The following ADGRB3 variants were observed in gnomAD, a reference collection of about 807,000 sequenced individuals.
ADGRB3 encodes brain-specific angiogenesis inhibitor 3.
Under a neutral mutation model 193.4 loss-of-function variants are expected in ADGRB3, and 37 were observed. The ratio of observed to expected loss-of-function variants is 0.19; its 90% confidence interval spans 0.15 to 0.25. The LOEUF (loss-of-function observed/expected upper bound fraction) is 0.25. Ranked by LOEUF, ADGRB3 falls within the 10% of genes least tolerant of loss-of-function variation. ADGRB3 has a pLI of 1.00. For synonymous variants in ADGRB3, 690 were observed against 644.2 expected (o/e 1.07, Z -1.08); for missense variants, 1,637 against 1,852.9 (o/e 0.88, Z 2.14).
chr6:69,339,518 T>C lies in ADGRB3; in HGVS notation c.3459+14T>C. On this transcript the variant is annotated intron_variant, in intron 26 of 31. Coordinates refer to ENST00000370598, the MANE Select transcript of ADGRB3 (RefSeq NM_001704.3). The stretch of plus-strand genomic sequence containing the variant: ...CTTCGGAGAGAGGTGAGAAGCATTC[T>C]TGTGATAGAGAACAGTGATGGTTGG... 1 of 1,609,722 alleles carries C rather than the reference T, an allele frequency of 6.2e-7. No individual in the cohort carries two copies. Among genetic ancestry groups the C allele is most frequent in the Non-Finnish European group, 8.5e-7 (1 of 1,176,618 alleles).
At chr6:68,888,509 C>G (rs901149066) in intron 3 of ADGRB3, among the ~76,000 whole-genome samples, 2 of 150,256 alleles carry the variant, frequency 1.3e-5, no homozygotes, top group Non-Finnish European at 3.0e-5. Context: ...TTATTTATCA[C>G]CAGCATTTTC....
At chr6:69,360,737 A>T in intron 28 of ADGRB3, 132 bp from the exon 29 acceptor site, 1 of 929,386 alleles carries the variant, frequency 1.1e-6, no homozygotes, top group South Asian at 1.9e-5. Flanking sequence ...ATTGATATGT[A>T]TTTTTTTTAA....
intron 17 of ADGRB3, among the ~76,000 whole-genome samples, chr6:69,140,700 C>G (rs1249866228): frequency 6.6e-6 from 1 of 151,920 alleles, no homozygotes. Context: ...GTGATGGATA[C>G]CCCATCTACC....
At chr6:68,845,164 T>G (rs1458731972) in intron 3 of ADGRB3, among the ~76,000 whole-genome samples, 1 of 152,188 alleles carries the variant, frequency 6.6e-6, no homozygotes, top group Non-Finnish European at 1.5e-5. Flanking sequence ...GATATCACAC[T>G]TAGCATGATG....
At chr6:68,675,447 C>A (rs1769066570) in intron 3 of ADGRB3, among the ~76,000 whole-genome samples, 1 of 151,114 alleles carries the variant, frequency 6.6e-6, no homozygotes, top group African/African-American at 2.4e-5. Flanking sequence ...ACTTAAAATT[C>A]AAAAAAATGG....
rs141159898 is a variant in ADGRB3 at position 68,718,318 on chromosome 6, A to G, written c.757+78886A>G. 4.0e-5 allele frequency among the ~76,000 whole-genome samples: 6 copies of G among 151,842 alleles called. No homozygotes were observed. In the East Asian group the frequency reaches 1.2e-3, roughly 30 times the overall value. ...AATTTTTGCAGATTGGAGCCCAGGA[A>G]TCTAAATTTTAACAAATACCAGAGA... On this transcript the variant is annotated intron_variant, in intron 3 of 31. Coordinates refer to ENST00000370598, the MANE Select transcript of ADGRB3 (RefSeq NM_001704.3).
At chr6:69,377,003 C>T (rs1245634120) in intron 30 of ADGRB3, among the ~76,000 whole-genome samples, 1 of 151,990 alleles carries the variant, frequency 6.6e-6, no homozygotes, top group Non-Finnish European at 1.5e-5. Flanking sequence ...CAAACAGAAA[C>T]ATATTTGAAA....
chr6:69,006,176 A>G (rs1348389241), intron 11 of ADGRB3, among the ~76,000 whole-genome samples: 5 of 152,146 alleles, frequency 3.3e-5, no homozygotes, highest in Admixed American at 3.3e-4. Context: ...TCATTTCAGT[A>G]TACTTTCTTG....
intron 11 of ADGRB3, 29 bp from the exon 12 acceptor site, chr6:69,014,009 T>C (rs1048477160): frequency 1.5e-5 from 21 of 1,434,988 alleles, no homozygotes; most frequent in Non-Finnish European, 1.8e-5. Flanking sequence ...TCATGTAATA[T>C]TAAATCTTTT....
chr6:69,193,004 G>A (rs915181786), intron 17 of ADGRB3, among the ~76,000 whole-genome samples: 4 of 152,096 alleles, frequency 2.6e-5, no homozygotes, highest in African/African-American at 4.8e-5. Flanking sequence ...GTTGGTGGTC[G>A]TTCTTTTTCT....
intron 17 of ADGRB3, among the ~76,000 whole-genome samples, chr6:69,092,930 A>T (rs1772757299): frequency 6.6e-6 from 1 of 151,562 alleles, no homozygotes; most frequent in East Asian, 2.0e-4. Context: ...TTTGGTGGAG[A>T]GGGGTGGGCA....
chr6:69,140,937 A>G (rs1774319736), intron 17 of ADGRB3, among the ~76,000 whole-genome samples: 1 of 152,160 alleles, frequency 6.6e-6, no homozygotes, highest in Admixed American at 6.5e-5. Context: ...TGTTTTAGGT[A>G]TAGCAATAAA....
At chr6:69,103,949 A>T (rs912396265) in intron 17 of ADGRB3, among the ~76,000 whole-genome samples, 1 of 152,100 alleles carries the variant, frequency 6.6e-6, no homozygotes, top group Non-Finnish European at 1.5e-5. Flanking sequence ...TAAATTATAC[A>T]TTAATATTGT....
chr6:68,816,717 G>A (rs1353647334), intron 3 of ADGRB3, among the ~76,000 whole-genome samples: 3 of 151,524 alleles, frequency 2.0e-5, no homozygotes, highest in African/African-American at 7.3e-5. Flanking sequence ...TATTAATATA[G>A]TCACACAAAG....
At chr6:69,352,811 A>G (rs922489785) in intron 26 of ADGRB3, among the ~76,000 whole-genome samples, 1 of 152,222 alleles carries the variant, frequency 6.6e-6, no homozygotes, top group Non-Finnish European at 1.5e-5. Flanking sequence ...CAGGTATATT[A>G]TGAATATCTC....
chr6:68,841,762 G>A (rs1221442720), intron 3 of ADGRB3, among the ~76,000 whole-genome samples: 9 of 152,032 alleles, frequency 5.9e-5, no homozygotes, highest in East Asian at 1.9e-4. Context: ...AAAGACTCAC[G>A]AAAGGAAAGA....
chr6:68,939,616 T>C (rs1316338498), intron 5 of ADGRB3, among the ~76,000 whole-genome samples: 1 of 152,178 alleles, frequency 6.6e-6, no homozygotes, highest in Non-Finnish European at 1.5e-5. Context: ...ACTATAAGAA[T>C]TGGAATTTTT....
At chr6:69,219,492 T>TAC (rs1554172971) in intron 17 of ADGRB3, among the ~76,000 whole-genome samples, 63 of 141,588 alleles carry the variant, frequency 4.4e-4, no homozygotes, top group Admixed American at 7.0e-4. Flanking sequence ...TATATATATA[T>TAC]ACGTGTGTGT....
At chr6:69,126,844 G>A (rs899119491) in intron 17 of ADGRB3, among the ~76,000 whole-genome samples, 3 of 152,162 alleles carry the variant, frequency 2.0e-5, no homozygotes, top group Non-Finnish European at 4.4e-5. Flanking sequence ...GATTGCTCTA[G>A]AGGGAACTCT....
Sources: allele counts gnomAD v4.1 joint callset (sites outside exome capture counted in the v4.1 genomes callset), GRCh38; gene constraint gnomAD v4.1.1; transcripts MANE v1.5; gene names NCBI Gene and HGNC (gene_info 2026-07-23, HGNC 2026-07-21).